The following C10orf143 variants were observed in gnomAD, a reference collection of about 807,000 sequenced individuals.
The protein encoded by C10orf143 is chromosome 10 open reading frame 143.
intron 1 of C10orf143, chr10:130,104,802 T>C (rs916770072): frequency 2.4e-4 from 37 of 152,208 alleles, no homozygotes; most frequent in African/African-American, 8.0e-4. Context: ...CCATTAAACC[T>C]TCCCTGTTCG....
chr10:130,106,587 A>T, intron 1 of C10orf143: 2 of 1,525,122 alleles, frequency 1.3e-6, no homozygotes, highest in Non-Finnish European at 1.8e-6. Context: ...GATGAGTCAG[A>T]ATCCCTCAAA....
intron 3 of C10orf143, among the ~76,000 whole-genome samples, chr10:130,073,822 A>G (rs1861071179): frequency 6.6e-6 from 1 of 152,170 alleles, no homozygotes; most frequent in African/African-American, 2.4e-5. Flanking sequence ...GTTTTTCAAT[A>G]TCCATATTCC....
In C10orf143 at chr10:130,110,583, G is replaced by T. The variant is rs562643277; in HGVS notation, c.69+121C>A. 3 of 397,386 alleles carry T rather than the reference G, an allele frequency of 7.5e-6. No individual in the cohort carries two copies. In the South Asian group the frequency reaches 4.1e-4, roughly 54 times the overall value. The allele number at this position is 397,386 out of a possible 1,614,324, so 24.6% of individuals were successfully genotyped here. On this transcript the variant is annotated intron_variant, in intron 1 of 3. Transcript: ENST00000637128. Reference sequence around the variant, plus strand: ...CTCCCAGGGACGTACGCGAGCGTGCGAGTGTCTTGGGCCAGGCCTCCTCAC... The same window carrying T: ...CTCCCAGGGACGTACGCGAGCGTGCTAGTGTCTTGGGCCAGGCCTCCTCAC...
Position 130,087,464 on chromosome 10 carries a change from C to T in C10orf143, c.70-7563G>A, listed in dbSNP as rs917484070. Among the ~76,000 whole-genome samples, 6 of 152,142 alleles carry T rather than the reference C, an allele frequency of 3.9e-5. 1 individual carries two copies. The highest frequency in any genetic ancestry group is 4.1e-4 in the South Asian group (2 of 4,828). ...AGCAGGAGCGTGGCCGAGAAATAGA[C>T]GCTGTTTCAAACGATGCTAAATTAA... is the stretch of plus-strand genomic sequence containing the variant. On this transcript the variant is annotated intron_variant, in intron 1 of 3. Coordinates refer to ENST00000637128, the MANE Select transcript of C10orf143 (RefSeq NM_001355042.2).
At chr10:130,072,819 G>T (rs1861054640) in intron 3 of C10orf143, among the ~76,000 whole-genome samples, 1 of 152,166 alleles carries the variant, frequency 6.6e-6, no homozygotes, top group African/African-American at 2.4e-5. Flanking sequence ...CTAAAAATAT[G>T]TACACACCTT....
chr10:130,084,303 G>T (rs938284911), intron 1 of C10orf143, among the ~76,000 whole-genome samples: 1 of 141,254 alleles, frequency 7.1e-6, no homozygotes, highest in South Asian at 2.3e-4. Flanking sequence ...AACAGAGCAA[G>T]ACTCCATCTC....
At chr10:130,052,866 A>T (rs1860752116) in intron 3 of C10orf143, among the ~76,000 whole-genome samples, 1 of 152,234 alleles carries the variant, frequency 6.6e-6, no homozygotes, top group East Asian at 1.9e-4. Context: ...TGCATGTTCT[A>T]AGAATGTTTT....
intron 1 of C10orf143, among the ~76,000 whole-genome samples, chr10:130,110,398 T>G (rs901707517): frequency 6.6e-6 from 1 of 152,168 alleles, no homozygotes; most frequent in Non-Finnish European, 1.5e-5. Flanking sequence ...GGTCCTGCAA[T>G]GAGTCTCGGC....
intron 3 of C10orf143, among the ~76,000 whole-genome samples, chr10:130,074,073 A>G (rs1388451618): frequency 1.3e-5 from 2 of 152,116 alleles, no homozygotes; most frequent in East Asian, 3.9e-4. Context: ...CACAGTTCTC[A>G]TAGGGTGTTC....
At chr10:130,107,422 T>A in intron 1 of C10orf143, 1 of 1,267,982 alleles carries the variant, frequency 7.9e-7, no homozygotes, top group Admixed American at 1.7e-5. Context: ...AAAAGGCACA[T>A]CATAACTGGT....
At chr10:130,047,841 A>C (rs1590004104) in intron 3 of C10orf143, among the ~76,000 whole-genome samples, 1 of 87,632 alleles carries the variant, frequency 1.1e-5, no homozygotes, top group Middle Eastern at 5.7e-3. Flanking sequence ...GACCCACTGG[A>C]AACATTTTTT....
chr10:130,061,214 G>A (rs1251999452), downstream of C10orf143, among the ~76,000 whole-genome samples: 3 of 152,156 alleles, frequency 2.0e-5, no homozygotes, highest in South Asian at 2.1e-4. Context: ...TTGAAAGGAC[G>A]CACATCAAAA....
At chr10:130,082,090 T>C (rs1267372443) in intron 1 of C10orf143, among the ~76,000 whole-genome samples, 2 of 151,950 alleles carry the variant, frequency 1.3e-5, no homozygotes, top group Non-Finnish European at 2.9e-5. Context: ...GTGGTAGCAT[T>C]AAAAGTCCAG....
chr10:130,059,017 T>A (rs1294670108), downstream of C10orf143, among the ~76,000 whole-genome samples: 1 of 152,122 alleles, frequency 6.6e-6, no homozygotes, highest in Non-Finnish European at 1.5e-5. Context: ...AACTACACCA[T>A]GTATGATAAA....
intron 1 of C10orf143, among the ~76,000 whole-genome samples, chr10:130,095,056 C>T (rs917741287): frequency 6.6e-6 from 1 of 152,108 alleles, no homozygotes; most frequent in African/African-American, 2.4e-5. Flanking sequence ...ATGTGCAAAA[C>T]TCAAAAACAT....
chr10:130,072,295 T>G (rs1261647758), intron 3 of C10orf143, among the ~76,000 whole-genome samples: 1 of 152,264 alleles, frequency 6.6e-6, no homozygotes, highest in African/African-American at 2.4e-5. Flanking sequence ...TGACCACATA[T>G]GCCTTTCTTC....
chr10:130,105,774 T>TC lies in C10orf143; in HGVS notation c.69+4929dup, dbSNP rs537200413. Among the ~76,000 whole-genome samples, 31 of 150,144 alleles carry TC rather than the reference T, an allele frequency of 2.1e-4. 1 individual carries two copies. The South Asian group carries it at 5.8e-3, about 28-fold the overall frequency. On this transcript the variant is annotated intron_variant, in intron 1 of 3. Coordinates refer to ENST00000637128, the MANE Select transcript of C10orf143 (RefSeq NM_001355042.2). ...ACAAAACAAAACAAAACTCCCCACC[T>TC]CCCCACGGCTGCCTGGCCAAAACCA...
chr10:130,064,222 C>G lies in C10orf143; in HGVS notation c.*132G>C, dbSNP rs148015809. 19 of 394,054 alleles carry G rather than the reference C, an allele frequency of 4.8e-5. No individual in the cohort carries two copies. In the Admixed American group the frequency reaches 7.5e-4, roughly 16 times the overall value. The allele number at this position is 394,054 out of a possible 1,614,324, so 24.4% of individuals were successfully genotyped here. On this transcript the variant is annotated 3_prime_UTR_variant, in exon 4 of 4. Transcript: ENST00000637128. ...ATGAAAGGACAGACAAACCTCCCCC[C>G]ACCCACAGAGGACACCGGGCTGCTA...
chr10:130,088,647 T>C (rs917804537), intron 1 of C10orf143, among the ~76,000 whole-genome samples: 3 of 152,168 alleles, frequency 2.0e-5, no homozygotes, highest in Non-Finnish European at 4.4e-5. Context: ...GTTCAAGTCC[T>C]ACCATGATAA....
Sources: gnomAD v4.1 joint callset for allele counts (sites outside exome capture counted in the v4.1 genomes callset) on GRCh38, gnomAD v4.1.1 for gene constraint, MANE v1.5 for transcripts, NCBI Gene and HGNC (gene_info 2026-07-23, HGNC 2026-07-21) for gene names.